Variants in NKAIN3 observed in about 807,000 individuals in gnomAD.
NKAIN3 encodes the protein sodium/potassium transporting ATPase interacting 3.
In NKAIN3, 25 loss-of-function variants were observed where a neutral mutation model predicts 30.2. That is an observed-to-expected ratio of 0.83 (90% CI 0.60 to 1.16). The LOEUF is 1.16. Among genes scored for constraint, NKAIN3 ranks in the 50% most tolerant of loss-of-function variants. NKAIN3 has a pLI of 0.00. For synonymous variants in NKAIN3, 91 were observed against 89.6 expected (o/e 1.02, Z -0.09); for missense variants, 225 against 254.1 (o/e 0.89, Z 0.78).
At chr8:62,618,447 G>T (rs532900674) in intron 3 of NKAIN3, among the ~76,000 whole-genome samples, 2 of 152,244 alleles carry the variant, frequency 1.3e-5, no homozygotes, top group Admixed American at 6.5e-5. Context: ...GTTCAAAGCA[G>T]CTGTCTCATC....
chr8:62,338,276 T>C (rs183467928), intron 1 of NKAIN3, among the ~76,000 whole-genome samples: 1 of 151,938 alleles, frequency 6.6e-6, no homozygotes, highest in African/African-American at 2.4e-5. Flanking sequence ...AAGAAAAAAA[T>C]GGGAAATAAT....
At position 62,503,384 on chromosome 8, in the gene NKAIN3, T is replaced by C. The variant is rs553550927; in HGVS notation, c.55-76155T>C. On this transcript the variant is annotated intron_variant, in intron 1 of 6. Transcript: ENST00000623646. ...CAAAGATCACATGCTTCTGAGGAAA[T>C]AGGACCAAGGCAAAATCAGAAACTC... is the stretch of plus-strand genomic sequence containing the variant. Among the ~76,000 whole-genome samples, 20 of 152,194 alleles carry C rather than the reference T, an allele frequency of 1.3e-4. No individual in the cohort carries two copies. The East Asian group carries it at 2.1e-3, about 16-fold the overall frequency.
At chr8:62,260,652 G>A (rs897918702) in intron 1 of NKAIN3, among the ~76,000 whole-genome samples, 9 of 152,096 alleles carry the variant, frequency 5.9e-5, no homozygotes, top group South Asian at 2.1e-4. Context: ...GTGAACGGCC[G>A]ATGCAGGCAG....
At chr8:62,916,459 T>C (rs1479624358) in intron 4 of NKAIN3, among the ~76,000 whole-genome samples, 1 of 152,164 alleles carries the variant, frequency 6.6e-6, no homozygotes, top group Non-Finnish European at 1.5e-5. Context: ...CTTGTGTATG[T>C]AACTGGTTTA....
intron 1 of NKAIN3, among the ~76,000 whole-genome samples, chr8:62,383,921 T>C (rs1804895659): frequency 6.6e-6 from 1 of 151,908 alleles, no homozygotes; most frequent in African/African-American, 2.4e-5. Flanking sequence ...GCTGGATTTA[T>C]GTATCTTGAA....
intron 1 of NKAIN3, among the ~76,000 whole-genome samples, chr8:62,335,507 G>A (rs1360178659): frequency 6.6e-6 from 1 of 150,664 alleles, no homozygotes; most frequent in Non-Finnish European, 1.5e-5. Context: ...TTGAATTTAA[G>A]AAGCCGCTGG....
chr8:62,588,052 T>G (rs2130096891), intron 2 of NKAIN3, among the ~76,000 whole-genome samples: 1 of 152,086 alleles, frequency 6.6e-6, no homozygotes, highest in South Asian at 2.1e-4. Context: ...TGCCTTACTT[T>G]AATATTGCTT....
chr8:62,525,620 A>G (rs1019555966), intron 1 of NKAIN3, among the ~76,000 whole-genome samples: 1 of 152,132 alleles, frequency 6.6e-6, no homozygotes, highest in Admixed American at 6.6e-5. Context: ...TTCTTAATTC[A>G]GTCCCTGCCC....
At chr8:62,629,318 G>T (rs561495372) in intron 3 of NKAIN3, among the ~76,000 whole-genome samples, 24 of 152,106 alleles carry the variant, frequency 1.6e-4, no homozygotes, top group African/African-American at 5.3e-4. Flanking sequence ...AGTGAGTAAG[G>T]TAAGTTAATT....
At chr8:62,604,391 G>A (rs1394450616) in intron 3 of NKAIN3, among the ~76,000 whole-genome samples, 2 of 152,136 alleles carry the variant, frequency 1.3e-5, no homozygotes, top group Non-Finnish European at 2.9e-5. Context: ...AGCTGTGTGT[G>A]TAGTAATTGT....
At chr8:62,308,099 TAGGTTAA>T (rs1029636511) in intron 1 of NKAIN3, among the ~76,000 whole-genome samples, 1 of 150,600 alleles carries the variant, frequency 6.6e-6, no homozygotes, top group African/African-American at 2.5e-5. Context: ...GGTAGATAAT[TAGGTTAA>T]AGCTGAAGCC....
At chr8:62,284,748 A>C (rs933729885) in intron 1 of NKAIN3, among the ~76,000 whole-genome samples, 2 of 152,128 alleles carry the variant, frequency 1.3e-5, no homozygotes, top group African/African-American at 4.8e-5. Flanking sequence ...ACAGGAAGAA[A>C]GGGATAAAAC....
At chr8:62,947,062 C>T (rs1248340706) in intron 5 of NKAIN3, among the ~76,000 whole-genome samples, 1 of 152,152 alleles carries the variant, frequency 6.6e-6, no homozygotes, top group African/African-American at 2.4e-5. Context: ...ATCTGAGGCT[C>T]TTAACCTGGA....
chr8:62,931,982 A>T (rs768533883), intron 5 of NKAIN3, among the ~76,000 whole-genome samples: 11 of 152,126 alleles, frequency 7.2e-5, no homozygotes, highest in Non-Finnish European at 1.5e-4. Flanking sequence ...TATTTCTCTC[A>T]TATCTTTTCT....
chr8:62,290,563 A>G (rs1225226159), intron 1 of NKAIN3, among the ~76,000 whole-genome samples: 1 of 152,110 alleles, frequency 6.6e-6, no homozygotes, highest in Non-Finnish European at 1.5e-5. Flanking sequence ...CATATGTTGA[A>G]CCAGCCTTGC....
At chr8:62,433,561 T>TTCTAA (rs1172809250) in intron 1 of NKAIN3, among the ~76,000 whole-genome samples, 2 of 152,124 alleles carry the variant, frequency 1.3e-5, no homozygotes, top group Non-Finnish European at 2.9e-5. Context: ...CAAAGCTCTA[T>TTCTAA]TAGAAATAGA....
At chr8:62,909,609 C>T (rs777074984) in intron 4 of NKAIN3, among the ~76,000 whole-genome samples, 1 of 152,042 alleles carries the variant, frequency 6.6e-6, no homozygotes, top group African/African-American at 2.4e-5. Context: ...AACAGTCAGC[C>T]ATCTACAAAT....
chr8:62,773,701 G>A (rs1030866779), intron 4 of NKAIN3, among the ~76,000 whole-genome samples: 8 of 151,966 alleles, frequency 5.3e-5, no homozygotes, highest in Admixed American at 1.3e-4. Context: ...TCCTGCACAC[G>A]CTCTCTTGCC....
chr8:62,742,855 A>G (rs1227877433), intron 3 of NKAIN3, among the ~76,000 whole-genome samples: 1 of 152,226 alleles, frequency 6.6e-6, no homozygotes, highest in Non-Finnish European at 1.5e-5. Flanking sequence ...CTCACAGTTC[A>G]GCATGGCTGG....
Sources: allele counts gnomAD v4.1 joint callset (sites outside exome capture counted in the v4.1 genomes callset), GRCh38; gene constraint gnomAD v4.1.1; transcripts MANE v1.5; gene names NCBI Gene and HGNC (gene_info 2026-07-23, HGNC 2026-07-21).